Variants in PDE1C observed in about 807,000 individuals in gnomAD.
PDE1C encodes the protein dual specificity calcium/calmodulin-dependent 3',5'-cyclic nucleotide phosphodiesterase 1C.
PDE1C carries 62 observed loss-of-function variants against 93.1 expected under a neutral mutation model. That is an observed-to-expected ratio of 0.67 (90% CI 0.54 to 0.82). The LOEUF is 0.82. Ranked by LOEUF, PDE1C falls within the 40% of genes least tolerant of loss-of-function variation. The pLI is 0.00. For missense variants in PDE1C, 742 were observed against 884.6 expected, an observed-to-expected ratio of 0.84 and a Z score of 2.04; for synonymous variants, 325 against 310.1, an observed-to-expected ratio of 1.05 and a Z score of -0.50.
intron 2 of PDE1C, among the ~76,000 whole-genome samples, chr7:31,989,017 A>AAG (rs1247058419): frequency 3.0e-4 from 45 of 147,554 alleles, no homozygotes; most frequent in East Asian, 5.9e-4. Context: ...AAAAAAAAAA[A>AAG]AGAGAGAGAG....
At chr7:31,946,116 TTATTTTTTTACTCCC>T in intron 2 of PDE1C, among the ~76,000 whole-genome samples, 1 of 152,312 alleles carries the variant, frequency 6.6e-6, no homozygotes, top group Non-Finnish European at 1.5e-5. Context: ...TCAATCATAG[TTATTTTTTTACTCCC>T]TATCTGAAGA....
downstream of PDE1C, among the ~76,000 whole-genome samples, chr7:31,750,675 A>T (rs1794102496): frequency 6.6e-6 from 1 of 152,366 alleles, no homozygotes; most frequent in South Asian, 2.1e-4. Flanking sequence ...CAGTGTCAGG[A>T]TTTAATTGTA....
intron 3 of PDE1C, among the ~76,000 whole-genome samples, chr7:32,077,683 G>A (rs1319141829): frequency 6.6e-6 from 1 of 151,920 alleles, no homozygotes; most frequent in East Asian, 1.9e-4. Flanking sequence ...GCAATTCTCT[G>A]CCTCAGCCTC....
chr7:32,340,205 G>A (rs1018471681), intron 1 of PDE1C, among the ~76,000 whole-genome samples: 2 of 152,120 alleles, frequency 1.3e-5, no homozygotes, highest in African/African-American at 4.8e-5. Context: ...TCAGAGGTGG[G>A]GCAGTTATCG....
At chr7:31,740,015 C>G in the PDE1C span, among the ~76,000 whole-genome samples, 1 of 152,200 alleles carries the variant, frequency 6.6e-6, no homozygotes, top group African/African-American at 2.4e-5. Flanking sequence ...TTCATGCAGG[C>G]TGTCATTTCC....
intron 2 of PDE1C, among the ~76,000 whole-genome samples, chr7:32,009,702 A>G (rs765771988): frequency 2.0e-5 from 3 of 152,244 alleles, no homozygotes; most frequent in Non-Finnish European, 4.4e-5. Flanking sequence ...AAGGCAATGA[A>G]AAGAAAGAAA....
At chr7:32,206,718 T>C (rs1805579230) in intron 2 of PDE1C, among the ~76,000 whole-genome samples, 1 of 152,232 alleles carries the variant, frequency 6.6e-6, no homozygotes, top group African/African-American at 2.4e-5. Flanking sequence ...GGTATTCTTC[T>C]AGCTCACCCT....
At chr7:31,680,590 G>A in the PDE1C span, among the ~76,000 whole-genome samples, 1 of 152,190 alleles carries the variant, frequency 6.6e-6, no homozygotes, top group Non-Finnish European at 1.5e-5. Context: ...CCAGAATATA[G>A]TTAGGAGAAC....
intron 7 of PDE1C, among the ~76,000 whole-genome samples, chr7:31,851,614 C>A (rs1394468839): frequency 6.6e-6 from 1 of 152,228 alleles, no homozygotes; most frequent in African/African-American, 2.4e-5. Flanking sequence ...TTCTCATATC[C>A]TTTGCTCACT....
At position 32,341,173 on chromosome 7, in the gene PDE1C, C is replaced by CTTT. The variant is rs3079623; in HGVS notation, c.310+86646_310+86648dup. Among the ~76,000 whole-genome samples, 8 of 84,958 alleles carry CTTT rather than the reference C, an allele frequency of 9.4e-5. 3 individuals carry two copies. The highest frequency in any genetic ancestry group is 1.7e-4 in the Admixed American group (1 of 5,752). 55.7% of individuals were successfully genotyped at this position (84,958 alleles called of 152,430 possible). On this transcript the variant is annotated intron_variant, in intron 1 of 1. Coordinates refer to the PDE1C transcript ENST00000672256. Reference sequence around the variant, plus strand: ...CCTAAAACTACTCTAGAAATAAAGTCTTTTTTTTTTTTTTTTTTTTGAGAC... The same window carrying CTTT: ...CCTAAAACTACTCTAGAAATAAAGTCTTTTTTTTTTTTTTTTTTTTTTTGAGAC...
intron 1 of PDE1C, among the ~76,000 whole-genome samples, chr7:32,420,610 G>A (rs1249593399): frequency 4.0e-5 from 6 of 151,152 alleles, no homozygotes; most frequent in Non-Finnish European, 8.8e-5. Flanking sequence ...TCAAAGGTTT[G>A]TCGTGAGATT....
intron 2 of PDE1C, among the ~76,000 whole-genome samples, chr7:31,949,938 T>A (rs1186065726): frequency 6.6e-6 from 1 of 152,206 alleles, no homozygotes; most frequent in Non-Finnish European, 1.5e-5. Context: ...CTGGTTTTCT[T>A]ATTTTCCTGC....
chr7:31,762,977 C>T (rs757690029), intron 17 of PDE1C, among the ~76,000 whole-genome samples: 1 of 152,146 alleles, frequency 6.6e-6, no homozygotes, highest in Non-Finnish European at 1.5e-5. Context: ...CCCGGGTGCA[C>T]ATCAGATTGC....
At chr7:32,135,092 G>A (rs1800129247) in intron 3 of PDE1C, among the ~76,000 whole-genome samples, 1 of 152,066 alleles carries the variant, frequency 6.6e-6, no homozygotes, top group South Asian at 2.1e-4. Context: ...AAGAGGCTGA[G>A]GAAAGAAAAG....
chr7:31,765,818 G>A (rs1795106433), intron 17 of PDE1C, among the ~76,000 whole-genome samples: 1 of 152,128 alleles, frequency 6.6e-6, no homozygotes, highest in Non-Finnish European at 1.5e-5. Flanking sequence ...TCACTCCCAG[G>A]CAGAATACAA....
chr7:31,812,605 A>G (rs891359820), intron 15 of PDE1C, among the ~76,000 whole-genome samples: 1 of 152,042 alleles, frequency 6.6e-6, no homozygotes, highest in South Asian at 2.1e-4. Context: ...TTCTATAAAT[A>G]AAGTTTTATT....
chr7:31,986,144 TC>T (rs137857370), intron 2 of PDE1C, among the ~76,000 whole-genome samples: 6,024 of 152,260 alleles, frequency 0.04, 126 homozygotes, highest in South Asian at 0.088. Context: ...GAACTAGACG[TC>T]CAAAATCAAG....
At chr7:32,383,826 T>G (rs569958352) in intron 1 of PDE1C, among the ~76,000 whole-genome samples, 2 of 152,188 alleles carry the variant, frequency 1.3e-5, no homozygotes, top group Non-Finnish European at 2.9e-5. Context: ...GGTTGACCCC[T>G]TTGGAGTCCG....
chr7:32,373,389 T>A (rs899637453), intron 1 of PDE1C, among the ~76,000 whole-genome samples: 1 of 152,204 alleles, frequency 6.6e-6, no homozygotes, highest in African/African-American at 2.4e-5. Context: ...TTGATTCCAT[T>A]TGTATGAAAT....
Sources: gnomAD v4.1 joint callset for allele counts (sites outside exome capture counted in the v4.1 genomes callset) on GRCh38, gnomAD v4.1.1 for gene constraint, MANE v1.5 for transcripts, NCBI Gene and HGNC (gene_info 2026-07-23, HGNC 2026-07-21) for gene names.